The following PPP1CB variants were observed in gnomAD, a reference collection of about 807,000 sequenced individuals.
The protein encoded by PPP1CB is protein phosphatase 1 catalytic subunit beta.
In PPP1CB, 2 loss-of-function variants were observed where a neutral mutation model predicts 43.7. The ratio of observed to expected loss-of-function variants is 0.05; its 90% CI spans 0.02 to 0.14. The LOEUF (loss-of-function observed/expected upper bound fraction) is 0.14. PPP1CB is among the 10% of genes least tolerant of loss of function. The probability of loss-of-function intolerance (pLI) is 1.00; values close to 1 mark genes in which losing one functional copy is unlikely to be tolerated. For missense variants in PPP1CB, 84 were observed against 398.0 expected (o/e 0.21, Z 6.71); for synonymous variants, 136 against 135.6 (o/e 1.00, Z -0.02).
At chr2:28,791,277 AATG>A (rs1667378358) in intron 6 of PPP1CB, among the ~76,000 whole-genome samples, 1 of 151,830 alleles carries the variant, frequency 6.6e-6, no homozygotes, top group African/African-American at 2.4e-5. Context: ...GTTCCATTGA[AATG>A]AGGTCATGTT....
At chr2:28,789,756 G>A (rs984166135) in intron 6 of PPP1CB, among the ~76,000 whole-genome samples, 16 of 151,378 alleles carry the variant, frequency 1.1e-4, no homozygotes, top group Admixed American at 7.9e-4. Context: ...GCACCACCAC[G>A]CCTGGCTCAT....
chr2:28,798,728 T>G (rs1336283560), intron 7 of PPP1CB, among the ~76,000 whole-genome samples: 2 of 152,066 alleles, frequency 1.3e-5, no homozygotes, highest in African/African-American at 4.8e-5. Flanking sequence ...GAACAAGCTT[T>G]CTTTTTGGGG....
chr2:28,785,761 A>T (rs537571723), intron 5 of PPP1CB, among the ~76,000 whole-genome samples: 5 of 152,208 alleles, frequency 3.3e-5, no homozygotes, highest in Non-Finnish European at 7.4e-5. Context: ...GTGACCTGTG[A>T]TTGTGCTCCT....
At chr2:28,762,939 A>C (rs1324414624) in intron 1 of PPP1CB, among the ~76,000 whole-genome samples, 1 of 152,232 alleles carries the variant, frequency 6.6e-6, no homozygotes, top group Non-Finnish European at 1.5e-5. Context: ...GTAACTTGAA[A>C]GCTTGAATTT....
chr2:28,778,352 A>C, intron 2 of PPP1CB: 1 of 470,792 alleles, frequency 2.1e-6, no homozygotes. Context: ...GTGGGTCAGG[A>C]ATTCAGGAAC....
chr2:28,776,260 T>G (rs1667039476), intron 1 of PPP1CB, among the ~76,000 whole-genome samples: 1 of 149,910 alleles, frequency 6.7e-6, no homozygotes, highest in Non-Finnish European at 1.5e-5. Flanking sequence ...TTTTTCTGTT[T>G]GTTTGTTTTT....
intron 1 of PPP1CB, among the ~76,000 whole-genome samples, chr2:28,752,838 G>T (rs1400846440): frequency 2.0e-5 from 3 of 152,234 alleles, no homozygotes; most frequent in Non-Finnish European, 4.4e-5. Context: ...GAAATGTGAT[G>T]TATGTAGATG....
intron 1 of PPP1CB, among the ~76,000 whole-genome samples, chr2:28,766,675 A>G (rs1666783360): frequency 6.6e-6 from 1 of 152,222 alleles, no homozygotes; most frequent in South Asian, 2.1e-4. Context: ...ATCGAGAGCC[A>G]AGGAACACCA....
chr2:28,791,890 A>C (rs1360219700), intron 6 of PPP1CB, among the ~76,000 whole-genome samples: 3 of 152,210 alleles, frequency 2.0e-5, no homozygotes, highest in African/African-American at 7.2e-5. Context: ...CTTATTTTCA[A>C]ATAATTGTCT....
chr2:28,796,031 A>G (rs1187807791), intron 7 of PPP1CB, among the ~76,000 whole-genome samples: 2 of 152,162 alleles, frequency 1.3e-5, no homozygotes, highest in African/African-American at 2.4e-5. Context: ...TCTTAGCACC[A>G]TTTATCAAAT....
intron 1 of PPP1CB, among the ~76,000 whole-genome samples, chr2:28,762,050 G>A (rs374713459): frequency 4.6e-5 from 7 of 152,166 alleles, no homozygotes; most frequent in African/African-American, 1.7e-4. Context: ...TTGGGAGGCC[G>A]AGGCGGGTGG....
rs769650329 is a variant in PPP1CB, at chr2:28,785,065, C to CTTTTTTTTTTTTTTTTTTTTTTTTTTTT, written c.592+1088_592+1115dup. Among the ~76,000 whole-genome samples, 14 of 54,996 alleles carry CTTTTTTTTTTTTTTTTTTTTTTTTTTTT rather than the reference C, an allele frequency of 2.5e-4. 4 individuals carry two copies. Among genetic ancestry groups the CTTTTTTTTTTTTTTTTTTTTTTTTTTTT allele is most frequent in the Non-Finnish European group, 4.9e-4 (14 of 28,692 alleles). 36.1% of individuals were successfully genotyped at this position (54,996 alleles called of 152,430 possible). ...ATGTTGTAATAAATTGTGTTAGGAGCTTTTTTTTTTTTTTTTTTTTTTTTT... is the reference window on the plus strand; with the variant it reads ...ATGTTGTAATAAATTGTGTTAGGAGCTTTTTTTTTTTTTTTTTTTTTTTTTTTTTTTTTTTTTTTTTTTTTTTTTTTTT... On this transcript the variant is annotated intron_variant, in intron 5 of 7. Coordinates refer to ENST00000395366, the MANE Select transcript of PPP1CB (RefSeq NM_002709.3).
Position 28,801,750 on chromosome 2 carries a change from A to T in PPP1CB, c.*2447A>T, listed in dbSNP as rs1311594794. 6.6e-6 allele frequency: 1 copy of T among 152,146 alleles called. No individual in the cohort carries two copies. Among genetic ancestry groups the T allele is most frequent in the Admixed American group, 6.6e-5 (1 of 15,264 alleles). The allele number at this position is 152,146 out of a possible 1,614,324, so 9.4% of individuals were successfully genotyped here. A position where few individuals can be genotyped will look rare whatever the true frequency, so the allele number is the denominator to read the frequency against. On this transcript the variant is annotated 3_prime_UTR_variant, in exon 8 of 8. Transcript: ENST00000395366. Reference sequence around the variant, plus strand: ...TTGTATACAATTTAATCCAAATGTTATGACATTCAGAAATCATGAAACACA... The same window carrying T: ...TTGTATACAATTTAATCCAAATGTTTTGACATTCAGAAATCATGAAACACA...
At chr2:28,780,184 G>T (rs1667129722) in intron 3 of PPP1CB, among the ~76,000 whole-genome samples, 1 of 151,130 alleles carries the variant, frequency 6.6e-6, no homozygotes, top group African/African-American at 2.4e-5. Context: ...CGCCTCCCGG[G>T]TTCAAGCGAT....
At chr2:28,792,157 A>G (rs902076811) in intron 6 of PPP1CB, among the ~76,000 whole-genome samples, 1 of 152,102 alleles carries the variant, frequency 6.6e-6, no homozygotes, top group African/African-American at 2.4e-5. Context: ...CCTGAAAAAC[A>G]TGGAGAAACC....
intron 1 of PPP1CB, among the ~76,000 whole-genome samples, chr2:28,759,800 G>T (rs13423959): frequency 1.1e-4 from 17 of 151,992 alleles, no homozygotes; most frequent in Middle Eastern, 3.4e-3. Flanking sequence ...TGTATTTTTA[G>T]TAGAGACGGG....
At chr2:28,771,172 G>A (rs1219629185) in intron 1 of PPP1CB, among the ~76,000 whole-genome samples, 2 of 151,250 alleles carry the variant, frequency 1.3e-5, no homozygotes, top group East Asian at 2.0e-4. Context: ...TCCTGCCTCA[G>A]CCTCCTGGGT....
intron 1 of PPP1CB, among the ~76,000 whole-genome samples, chr2:28,763,098 GT>G (rs770232762): frequency 6.6e-6 from 1 of 152,164 alleles, no homozygotes; most frequent in Non-Finnish European, 1.5e-5. Context: ...GTGAAAAAAA[GT>G]GTCTAGGTCT....
At chr2:28,780,947 T>G (rs1288515664) in intron 3 of PPP1CB, among the ~76,000 whole-genome samples, 1 of 152,166 alleles carries the variant, frequency 6.6e-6, no homozygotes, top group Non-Finnish European at 1.5e-5. Context: ...AAATTTTCCT[T>G]CCTTGGCAAT....
Sources: allele counts gnomAD v4.1 joint callset (sites outside exome capture counted in the v4.1 genomes callset), GRCh38; gene constraint gnomAD v4.1.1; transcripts MANE v1.5; gene names NCBI Gene and HGNC (gene_info 2026-07-23, HGNC 2026-07-21).